The following CNTN4 variants were observed in gnomAD, a reference collection of about 807,000 sequenced individuals.
CNTN4 encodes the protein contactin-4.
A neutral mutation model predicts 122.5 loss-of-function variants in CNTN4; 77 were observed. The observed-to-expected ratio is 0.63, with a 90% CI of 0.52 to 0.76. The LOEUF (loss-of-function observed/expected upper bound fraction) is 0.76. Ranked by LOEUF, CNTN4 falls within the 30% of genes least tolerant of loss-of-function variation. CNTN4 has a pLI of 0.00. For synonymous variants in CNTN4, 512 were observed against 447.0 expected (o/e 1.15, Z -1.83); for missense variants, 1,256 against 1,259.1 (o/e 1.00, Z 0.04).
intron 3 of CNTN4, among the ~76,000 whole-genome samples, chr3:2,532,908 A>C (rs1401213207): frequency 6.6e-6 from 1 of 152,098 alleles, no homozygotes; most frequent in African/African-American, 2.4e-5. Context: ...TTACTGAAAA[A>C]CACTGTAGAA....
At chr3:2,615,273 A>G (rs1490345234) in intron 4 of CNTN4, among the ~76,000 whole-genome samples, 1 of 152,234 alleles carries the variant, frequency 6.6e-6, no homozygotes, top group African/African-American at 2.4e-5. Flanking sequence ...TTGCTAATCA[A>G]TGAGAAAAGC....
intron 14 of CNTN4, among the ~76,000 whole-genome samples, chr3:3,010,428 C>T (rs1364754188): frequency 1.3e-5 from 2 of 150,456 alleles, no homozygotes; most frequent in Non-Finnish European, 3.0e-5. Context: ...AGTAATACCT[C>T]CCAACCATTC....
At position 2,988,417 on chromosome 3, in the gene CNTN4, T is replaced by C. The variant is rs764790024; in HGVS notation, c.1431T>C (p.Cys477=). The C allele has an allele frequency of 3.1e-6, 5 of 1,613,758 alleles. No individual in the cohort carries two copies. The highest frequency in any genetic ancestry group is 2.5e-6 in the Non-Finnish European group (3 of 1,179,736). The change falls in exon 14 of 25, where the codon TGT becomes TGC. Residue 477 remains cysteine, a synonymous_variant. Coordinates refer to ENST00000418658, the MANE Select transcript of CNTN4 (RefSeq NM_175607.3). ...VTKSDAGSYT[C]IATNHFGTAS... ...AATCAGACGCTGGGAGTTATACCTG[T>C]ATAGCCACTAACCATTTTGGAACTG...
chr3:2,584,718 A>T (rs971088493), intron 4 of CNTN4, among the ~76,000 whole-genome samples: 1 of 151,108 alleles, frequency 6.6e-6, no homozygotes, highest in Non-Finnish European at 1.5e-5. Flanking sequence ...AAAAAAAAAA[A>T]AAAGAATAAA....
At chr3:2,355,701 C>T (rs1043100114) in intron 3 of CNTN4, among the ~76,000 whole-genome samples, 1 of 152,184 alleles carries the variant, frequency 6.6e-6, no homozygotes, top group Non-Finnish European at 1.5e-5. Context: ...TAGCTCTAGA[C>T]TAACATGACC....
chr3:2,939,560 C>A lies in CNTN4; in HGVS notation c.1358+13781C>A, dbSNP rs558010836. On this transcript the variant is annotated intron_variant, in intron 13 of 24. Coordinates refer to ENST00000418658, the MANE Select transcript of CNTN4 (RefSeq NM_175607.3). ...CATTAGGATAAATTTTTTAACCTTC[C>A]ATGCCCCTAAAAATGATCACATGTA... 7.9e-5 allele frequency among the ~76,000 whole-genome samples: 12 copies of A among 152,160 alleles called. No individual in the cohort carries two copies. In the South Asian group the frequency reaches 2.5e-3, roughly 32 times the overall value.
chr3:2,592,979 A>G (rs1221419555), intron 4 of CNTN4, among the ~76,000 whole-genome samples: 1 of 152,202 alleles, frequency 6.6e-6, no homozygotes, highest in Admixed American at 6.5e-5. Flanking sequence ...CAGTGTCAGA[A>G]TGGGAAGTCT....
At position 2,709,721 on chromosome 3, in the gene CNTN4, C is replaced by A. The variant is rs752394151; in HGVS notation, c.56-26494C>A. Among the ~76,000 whole-genome samples, 1 of 152,210 alleles carries A rather than the reference C, an allele frequency of 6.6e-6. No individual in the cohort carries two copies. Among genetic ancestry groups the A allele is most frequent in the African/African-American group, 2.4e-5 (1 of 41,546 alleles). ...TTGAGGTCAGGAGTTCAAAATCAGCCTGGCCAACATGGTGAAACCCTCTCT... is the reference window on the plus strand; with the variant it reads ...TTGAGGTCAGGAGTTCAAAATCAGCATGGCCAACATGGTGAAACCCTCTCT... On this transcript the variant is annotated intron_variant, in intron 4 of 24. Coordinates refer to ENST00000418658, the MANE Select transcript of CNTN4 (RefSeq NM_175607.3). This position sits in a 1 kb window ranked among gnomAD's most constrained non-coding sequence, Gnocchi z 5.0.
Position 2,826,609 on chromosome 3 carries a change from T to A in CNTN4, c.454+7028T>A, listed in dbSNP as rs1480462849. Reference sequence around the variant, plus strand: ...TTATGTAACTTCTCTGAGCCCTATTTCTTCATATGACTTCTGTTTCTGTCT... The same window carrying A: ...TTATGTAACTTCTCTGAGCCCTATTACTTCATATGACTTCTGTTTCTGTCT... On this transcript the variant is annotated intron_variant, in intron 7 of 24. Transcript: ENST00000418658. Among the ~76,000 whole-genome samples the A allele has an allele frequency of 2.0e-5, 3 of 152,204 alleles. No homozygotes were observed. In the East Asian group the frequency reaches 5.8e-4, roughly 29 times the overall value.
At chr3:2,414,814 A>T (rs2047354142) in intron 3 of CNTN4, among the ~76,000 whole-genome samples, 1 of 152,206 alleles carries the variant, frequency 6.6e-6, no homozygotes, top group African/African-American at 2.4e-5. Context: ...AAGATCTGCC[A>T]AACACAGCCC....
At chr3:2,113,713 A>C (rs920160523) in intron 2 of CNTN4, among the ~76,000 whole-genome samples, 1 of 152,218 alleles carries the variant, frequency 6.6e-6, no homozygotes, top group African/African-American at 2.4e-5. Context: ...ACAAATTTTC[A>C]AAAATATGGG....
At chr3:2,598,053 G>A (rs1389301320) in intron 4 of CNTN4, among the ~76,000 whole-genome samples, 1 of 151,726 alleles carries the variant, frequency 6.6e-6, no homozygotes, top group Non-Finnish European at 1.5e-5. Flanking sequence ...ATTCTTTTTT[G>A]CAGCCTTCCC....
chr3:2,754,861 A>T (rs1437265190), intron 6 of CNTN4, among the ~76,000 whole-genome samples: 4 of 152,134 alleles, frequency 2.6e-5, no homozygotes, highest in African/African-American at 9.7e-5. Flanking sequence ...AACATTTTTT[A>T]TGGTGAAAAT....
At chr3:2,986,517 G>A (rs1050340031) in intron 13 of CNTN4, among the ~76,000 whole-genome samples, 3 of 152,116 alleles carry the variant, frequency 2.0e-5, no homozygotes, top group African/African-American at 7.2e-5. Context: ...TCTGGACCGG[G>A]TCTTCAGGAA....
chr3:2,323,559 T>C (rs1042549491), intron 2 of CNTN4, among the ~76,000 whole-genome samples: 2 of 152,208 alleles, frequency 1.3e-5, no homozygotes, highest in Non-Finnish European at 2.9e-5. Flanking sequence ...CCTGTTCTTT[T>C]TTGTAGTCAA....
At chr3:2,926,900 A>T (rs2094478242) in intron 13 of CNTN4, among the ~76,000 whole-genome samples, 1 of 152,170 alleles carries the variant, frequency 6.6e-6, no homozygotes, top group African/African-American at 2.4e-5. Context: ...TTGACATGGC[A>T]TTCAAATTTG....
chr3:2,174,101 G>A (rs552693442), intron 2 of CNTN4, among the ~76,000 whole-genome samples: 1 of 152,244 alleles, frequency 6.6e-6, no homozygotes, highest in African/African-American at 2.4e-5. Context: ...AGTTGAATAA[G>A]GGAATGATAA....
intron 3 of CNTN4, among the ~76,000 whole-genome samples, chr3:2,530,434 G>A (rs764754233): frequency 2.7e-5 from 4 of 150,724 alleles, no homozygotes; most frequent in African/African-American, 9.8e-5. Flanking sequence ...TTAGGCTCCC[G>A]GATAGCTGGG....
intron 7 of CNTN4, among the ~76,000 whole-genome samples, chr3:2,847,033 G>A (rs4234552): frequency 0.85 from 129,472 of 152,106 alleles, 55,395 homozygotes; most frequent in African/African-American, 0.93. Context: ...ATAAATGAAT[G>A]CCTTTCATAT....
Sources: gnomAD v4.1 joint callset for allele counts (sites outside exome capture counted in the v4.1 genomes callset) on GRCh38, gnomAD v4.1.1 for gene constraint, Gnocchi (gnomAD v3.1) non-coding constraint, MANE v1.5 for transcripts, NCBI Gene and HGNC (gene_info 2026-07-23, HGNC 2026-07-21) for gene names.